DNAJB5: variants seen among roughly 807,000 people sequenced by gnomAD.
DNAJB5 encodes dnaJ homolog subfamily B member 5.
DNAJB5 carries 12 observed loss-of-function variants against 32.6 expected under a neutral mutation model. The ratio of observed to expected loss-of-function variants is 0.37; its 90% confidence interval spans 0.24 to 0.60. The LOEUF is 0.60. Ranked by LOEUF, DNAJB5 falls within the 20% of genes least tolerant of loss-of-function variation. The pLI is 0.71. For synonymous variants in DNAJB5, 188 were observed against 212.9 expected (o/e 0.88, Z 1.02); for missense variants, 358 against 554.2 (o/e 0.65, Z 3.55).
intron 2 of DNAJB5, chr9:34,991,741 G>A (rs2132974468): frequency 4.3e-6 from 1 of 234,870 alleles, no homozygotes; most frequent in Admixed American, 6.5e-5. Flanking sequence ...CTCCCCCACA[G>A]ACGTGACATG....
Position 34,993,284 on chromosome 9 carries a change from G to A in DNAJB5, c.267G>A (p.Glu89=). The change falls in exon 3 of 5, where the codon GAG becomes GAA. Residue 89 remains glutamate (E), a synonymous_variant. Transcript: ENST00000682809. This position sits in a 1 kb window ranked among gnomAD's most constrained non-coding sequence, Gnocchi z 4.7. The stretch of plus-strand genomic sequence containing the variant: ...TTGGGATCCCATCGGGGGCCAACGA[G>A]GATGAGATCAAGAAAGCCTACCGGA... ...KILGIPSGAN[E]DEIKKAYRKM... is the part of the protein sequence containing the mutation. 6.2e-7 allele frequency: 1 copy of A among 1,614,146 alleles called. No individual in the cohort carries two copies. Among genetic ancestry groups the A allele is most frequent in the Non-Finnish European group, 8.5e-7 (1 of 1,180,026 alleles).
chr9:34,991,562 C>T (rs1199772148), intron 2 of DNAJB5: 18 of 380,138 alleles, frequency 4.7e-5, no homozygotes, highest in Admixed American at 2.9e-4. Context: ...TGCTAGGGTT[C>T]TTTCCCAGTC....
chr9:34,992,224 T>C (rs959816417), intron 2 of DNAJB5: 5 of 152,268 alleles, frequency 3.3e-5, no homozygotes, highest in African/African-American at 9.6e-5. Flanking sequence ...TTATAACAAA[T>C]GCTCCTGCAC....
Position 34,989,875 on chromosome 9 carries a change from G to A in DNAJB5, c.-133+44G>A, listed in dbSNP as rs1233711898. The A allele has an allele frequency of 7.3e-6, 9 of 1,236,868 alleles. No individual in the cohort carries two copies. In the Admixed American group the frequency reaches 1.2e-4, roughly 17 times the overall value. The allele number at this position is 1,236,868 out of a possible 1,614,324, so 76.6% of individuals were successfully genotyped here. ...GACTCGGGGGTCCCGGGAGCGGGGCGTCGTGAAGCCAGGGCTCCTGGTGTT... is the reference window on the plus strand; with the variant it reads ...GACTCGGGGGTCCCGGGAGCGGGGCATCGTGAAGCCAGGGCTCCTGGTGTT... On this transcript the variant is annotated intron_variant, in intron 1 of 4. Transcript: ENST00000682809.
Position 34,990,107 on chromosome 9 carries a change from C to A in DNAJB5, c.-133+276C>A. On this transcript the variant is annotated intron_variant, in intron 1 of 4. Transcript: ENST00000682809. The surrounding 1 kb of genome is among the most constrained non-coding windows in gnomAD (Gnocchi z 4.5). ...GGGGCGGAGGCATCTGTGAGCAGAC[C>A]AGCCAGCCAGCGCGGGTGACATCAC... The A allele has an allele frequency of 1.3e-6, 1 of 766,776 alleles. No homozygotes were observed. Among genetic ancestry groups the A allele is most frequent in the Non-Finnish European group, 2.0e-6 (1 of 500,372 alleles). 47.5% of individuals were successfully genotyped at this position (766,776 alleles called of 1,614,324 possible).
rs183024361 is a variant in DNAJB5 at position 34,993,631 on chromosome 9, C to T, written c.427+187C>T. Among the ~76,000 whole-genome samples the T allele has an allele frequency of 2.0e-5, 3 of 152,096 alleles. No individual in the cohort carries two copies. Among genetic ancestry groups the T allele is most frequent in the Admixed American group, 6.5e-5 (1 of 15,280 alleles). On this transcript the variant is annotated intron_variant, in intron 3 of 4. Coordinates refer to ENST00000682809, the MANE Select transcript of DNAJB5 (RefSeq NM_001349723.3). This position sits in a 1 kb window ranked among gnomAD's most constrained non-coding sequence, Gnocchi z 4.7. ...CAGCTCAGCTCACCCTAGTTCTCCC[C>T]GCCTCTCTCTGCCCCCTCCCTCCTC...
chr9:34,994,546 G>A (rs1393840283), intron 3 of DNAJB5, among the ~76,000 whole-genome samples: 1 of 152,212 alleles, frequency 6.6e-6, no homozygotes, highest in Non-Finnish European at 1.5e-5. Context: ...CTGGCATGGA[G>A]GGATGGGAGG....
chr9:34,990,604 G>C lies in DNAJB5; in HGVS notation c.-27G>C. On this transcript the variant is annotated 5_prime_UTR_variant, in exon 2 of 5. Transcript: ENST00000682809. The surrounding 1 kb of genome is among the most constrained non-coding windows in gnomAD (Gnocchi z 4.5). ...CACTTCAGGCCGGCTCCGGTGGAGC[G>C]ATCAGAGGTGAGGGGCTTGGCTGGG... 6.4e-7 allele frequency: 1 copy of C among 1,551,478 alleles called. No homozygotes were observed. Among genetic ancestry groups the C allele is most frequent in the Non-Finnish European group, 8.7e-7 (1 of 1,146,946 alleles).
intron 2 of DNAJB5, chr9:34,991,153 C>T (rs1283912503): frequency 9.7e-6 from 4 of 411,494 alleles, no homozygotes; most frequent in African/African-American, 2.0e-5. Context: ...TATCAGCCAT[C>T]TCCCCTCCCT....
At chr9:34,994,807 G>C (rs1455161918) in intron 3 of DNAJB5, among the ~76,000 whole-genome samples, 1 of 152,166 alleles carries the variant, frequency 6.6e-6, no homozygotes, top group Admixed American at 6.5e-5. Flanking sequence ...CCATGGCCTG[G>C]GGAGGGAGAA....
Position 34,990,439 on chromosome 9 carries a change from T to C in DNAJB5, c.-132-60T>C, listed in dbSNP as rs750804005. On this transcript the variant is annotated intron_variant, in intron 1 of 4. Transcript: ENST00000682809. The surrounding 1 kb of genome is among the most constrained non-coding windows in gnomAD (Gnocchi z 4.5). ...CCGCTCACAGCCAGCCAGACACTGCTGCACCTGAGAGCAGGTGGCCGCGGG... is the reference window on the plus strand; with the variant it reads ...CCGCTCACAGCCAGCCAGACACTGCCGCACCTGAGAGCAGGTGGCCGCGGG... The C allele has an allele frequency of 2.0e-6, 3 of 1,533,646 alleles. No individual in the cohort carries two copies. The South Asian group carries it at 3.6e-5, about 18-fold the overall frequency.
Position 34,990,415 on chromosome 9 carries a change from C to T in DNAJB5, c.-132-84C>T. ...CCTCACTGACACGCTGCCATACAGC[C>T]GCTCACAGCCAGCCAGACACTGCTG... is the stretch of plus-strand genomic sequence containing the variant. On this transcript the variant is annotated intron_variant, in intron 1 of 4. Coordinates refer to ENST00000682809, the MANE Select transcript of DNAJB5 (RefSeq NM_001349723.3). The surrounding 1 kb of genome is among the most constrained non-coding windows in gnomAD (Gnocchi z 4.5). 1.3e-6 allele frequency: 2 copies of T among 1,530,384 alleles called. No individual in the cohort carries two copies. The highest frequency in any genetic ancestry group is 1.2e-5 in the South Asian group (1 of 83,122). The allele number at this position is 1,530,384 out of a possible 1,614,324, so 94.8% of individuals were successfully genotyped here.
At chr9:34,992,794 A>G in intron 2 of DNAJB5, 1 of 1,022,132 alleles carries the variant, frequency 9.8e-7, no homozygotes, top group Non-Finnish European at 1.2e-6. Flanking sequence ...GGCGTAGGAG[A>G]CCACGATGCT....
At position 34,990,321 on chromosome 9, in the gene DNAJB5, G is replaced by C. The variant is rs760707073; in HGVS notation, c.-132-178G>C. On this transcript the variant is annotated intron_variant, in intron 1 of 4. Transcript: ENST00000682809. This position sits in a 1 kb window ranked among gnomAD's most constrained non-coding sequence, Gnocchi z 4.5. ...AGGCGACAGGAGCTCACTGCCTCTC[G>C]GGCCCTCACAATCACACCTGTCACA... 2.1e-6 allele frequency: 3 copies of C among 1,450,496 alleles called. No homozygotes were observed. Among genetic ancestry groups the C allele is most frequent in the South Asian group, 2.4e-5 (2 of 82,176 alleles). 89.9% of individuals were successfully genotyped at this position (1,450,496 alleles called of 1,614,324 possible). A position where few individuals can be genotyped will look rare whatever the true frequency, so the allele number is the denominator to read the frequency against.
chr9:34,990,196 G>C lies in DNAJB5; in HGVS notation c.-132-303G>C. Reference sequence around the variant, plus strand: ...CCTCGCCGCGCCTTTTGTCCCGGCCGAGCTCCGCTCTGCCCCGCCCATCTG... The same window carrying C: ...CCTCGCCGCGCCTTTTGTCCCGGCCCAGCTCCGCTCTGCCCCGCCCATCTG... On this transcript the variant is annotated intron_variant, in intron 1 of 4. Coordinates refer to ENST00000682809, the MANE Select transcript of DNAJB5 (RefSeq NM_001349723.3). The surrounding 1 kb of genome is among the most constrained non-coding windows in gnomAD (Gnocchi z 4.5). 1 of 1,118,162 alleles carries C rather than the reference G, an allele frequency of 8.9e-7. No individual in the cohort carries two copies. The highest frequency in any genetic ancestry group is 1.2e-6 in the Non-Finnish European group (1 of 864,402). The allele number at this position is 1,118,162 out of a possible 1,614,324, so 69.3% of individuals were successfully genotyped here. A position where few individuals can be genotyped will look rare whatever the true frequency, so the allele number is the denominator to read the frequency against.
Position 34,990,813 on chromosome 9 carries a change from G to A in DNAJB5, c.182+1G>A. 1 of 1,549,524 alleles carries A rather than the reference G, an allele frequency of 6.5e-7. No homozygotes were observed. The highest frequency in any genetic ancestry group is 8.7e-7 in the Non-Finnish European group (1 of 1,146,046). ...CGCTGAATGGGTTTGTAAAGTTTCG[G>A]TAAGTCCCTCCGGAGAAGGGCACTC... On this transcript the variant is annotated splice_donor_variant, in intron 2 of 4. Transcript: ENST00000682809. LOFTEE classifies it high-confidence loss of function. This position sits in a 1 kb window ranked among gnomAD's most constrained non-coding sequence, Gnocchi z 4.5.
Position 34,989,808 on chromosome 9 carries a change from G to A in DNAJB5, c.-156G>A, listed in dbSNP as rs1377051310. On this transcript the variant is annotated 5_prime_UTR_variant, in exon 1 of 5. Coordinates refer to ENST00000682809, the MANE Select transcript of DNAJB5 (RefSeq NM_001349723.3). ...GGGCAGCGGCTGTCTCACGGACCAC[G>A]GCGGCGCCCGCAGCTCCTCACCGGT... 11 of 1,232,260 alleles carry A rather than the reference G, an allele frequency of 8.9e-6. No homozygotes were observed. The highest frequency in any genetic ancestry group is 4.1e-5 in the South Asian group (1 of 24,656). The allele number at this position is 1,232,260 out of a possible 1,614,324, so 76.3% of individuals were successfully genotyped here.
Position 34,993,049 on chromosome 9 carries a change from T to C in DNAJB5, c.183-151T>C. 1.4e-6 allele frequency: 2 copies of C among 1,440,890 alleles called. No homozygotes were observed. Among genetic ancestry groups the C allele is most frequent in the Middle Eastern group, 2.5e-4 (1 of 3,962 alleles). 89.3% of individuals were successfully genotyped at this position (1,440,890 alleles called of 1,614,324 possible). A position where few individuals can be genotyped will look rare whatever the true frequency, so the allele number is the denominator to read the frequency against. On this transcript the variant is annotated intron_variant, in intron 2 of 4. Transcript: ENST00000682809. This position sits in a 1 kb window ranked among gnomAD's most constrained non-coding sequence, Gnocchi z 4.7. ...CAGAAGAGATCATCTAGTCCAAACCTTTCATTTTACAGATGGGGGGACGCA... is the reference window on the plus strand; with the variant it reads ...CAGAAGAGATCATCTAGTCCAAACCCTTCATTTTACAGATGGGGGGACGCA...
In DNAJB5 at chr9:34,990,627, G is replaced by A. The variant is rs1334765210; in HGVS notation, c.-4G>A. 6 of 1,551,542 alleles carry A rather than the reference G, an allele frequency of 3.9e-6. No individual in the cohort carries two copies. In the East Asian group the frequency reaches 1.2e-4, roughly 32 times the overall value. On this transcript the variant is annotated 5_prime_UTR_variant, in exon 2 of 5. Transcript: ENST00000682809. This position sits in a 1 kb window ranked among gnomAD's most constrained non-coding sequence, Gnocchi z 4.5. ...GCGATCAGAGGTGAGGGGCTTGGCTGGGCATGTTTAAGCGCACAGTGCTCT... is the reference window on the plus strand; with the variant it reads ...GCGATCAGAGGTGAGGGGCTTGGCTAGGCATGTTTAAGCGCACAGTGCTCT...
Sources: allele counts gnomAD v4.1 joint callset (sites outside exome capture counted in the v4.1 genomes callset), GRCh38; gene constraint gnomAD v4.1.1; non-coding constraint Gnocchi (gnomAD v3.1); transcripts MANE v1.5; gene names NCBI Gene and HGNC (gene_info 2026-07-23, HGNC 2026-07-21).